The following CELF2 variants were observed in gnomAD, a reference collection of about 807,000 sequenced individuals.
CELF2 encodes the protein CUG triplet repeat RNA-binding protein 2.
Under a neutral mutation model 62.6 loss-of-function variants are expected in CELF2, and 8 were observed. That is an observed-to-expected ratio of 0.13 (90% CI 0.07 to 0.23). The LOEUF is 0.23. Among genes scored for constraint, CELF2 ranks in the 10% least tolerant of loss-of-function variants. The pLI is 1.00. For synonymous variants in CELF2, 258 were observed against 250.0 expected (o/e 1.03, Z -0.30); for missense variants, 333 against 671.0 (o/e 0.50, Z 5.56).
At chr10:10,708,116 G>A in the CELF2 span, among the ~76,000 whole-genome samples, 8 of 152,138 alleles carry the variant, frequency 5.3e-5, no homozygotes, top group African/African-American at 1.9e-4. Flanking sequence ...CATATTTGAG[G>A]CAGGGAGCAA....
At chr10:11,018,221 G>A (rs983811848) in intron 1 of CELF2, 58 bp downstream of exon 1, 4 of 1,430,998 alleles carry the variant, frequency 2.8e-6, no homozygotes, top group South Asian at 2.5e-5. Context: ...CAGAGTCGGC[G>A]GCGCGAAGGG....
At chr10:10,929,952 C>A (rs181750048) in intron 2 of CELF2, among the ~76,000 whole-genome samples, 1 of 152,304 alleles carries the variant, frequency 6.6e-6, no homozygotes, top group East Asian at 1.9e-4. Context: ...CTATAATACA[C>A]GAAAATAACA....
chr10:10,465,250 A>T, the CELF2 span, among the ~76,000 whole-genome samples: 1 of 152,158 alleles, frequency 6.6e-6, no homozygotes, highest in South Asian at 2.1e-4. Context: ...AGTATATCAG[A>T]ATCTTCAGGA....
chr10:11,024,189 A>G (rs1005619994), intron 1 of CELF2, among the ~76,000 whole-genome samples: 9 of 152,250 alleles, frequency 5.9e-5, no homozygotes, highest in African/African-American at 1.9e-4. Flanking sequence ...CATTTAAACA[A>G]TCTGTGCGTC....
the CELF2 span, among the ~76,000 whole-genome samples, chr10:10,623,044 C>T: frequency 7.4e-6 from 1 of 135,476 alleles, no homozygotes; most frequent in Non-Finnish European, 1.5e-5. Flanking sequence ...CGAGATTGCG[C>T]CACAGCACTC....
chr10:11,120,417 A>G (rs768259483), intron 1 of CELF2, among the ~76,000 whole-genome samples: 20 of 152,226 alleles, frequency 1.3e-4, no homozygotes, highest in Non-Finnish European at 1.6e-4. Context: ...TTTGCATTTC[A>G]CCTGTTTCTA....
chr10:11,229,263 CTG>C (rs1406197800), intron 3 of CELF2, among the ~76,000 whole-genome samples: 1 of 152,212 alleles, frequency 6.6e-6, no homozygotes, highest in African/African-American at 2.4e-5. Flanking sequence ...AATTTCCAGT[CTG>C]TGTGTAGCAT....
the CELF2 span, among the ~76,000 whole-genome samples, chr10:10,472,474 A>C: frequency 2.0e-5 from 3 of 151,890 alleles, no homozygotes; most frequent in Non-Finnish European, 4.4e-5. Flanking sequence ...CTGATTACAT[A>C]TTACTTTTTA....
the CELF2 span, among the ~76,000 whole-genome samples, chr10:10,673,370 T>C: frequency 2.6e-5 from 4 of 152,130 alleles, no homozygotes; most frequent in Admixed American, 1.3e-4. Context: ...CTTAGTGAGA[T>C]CTGAAGTAAT....
the CELF2 span, among the ~76,000 whole-genome samples, chr10:10,636,457 T>C: frequency 6.6e-6 from 1 of 152,252 alleles, no homozygotes; most frequent in Non-Finnish European, 1.5e-5. Flanking sequence ...GTTATGTTAA[T>C]GCTCTGTGCT....
chr10:10,732,025 C>T, the CELF2 span, among the ~76,000 whole-genome samples: 2 of 152,116 alleles, frequency 1.3e-5, no homozygotes, highest in Admixed American at 6.5e-5. Flanking sequence ...CAGATGGTTA[C>T]AAGTTCCTGA....
At chr10:10,927,353 A>AAAAAAAAAAAAC (rs1554884951) in intron 2 of CELF2, 15 of 135,586 alleles carry the variant, frequency 1.1e-4, no homozygotes, top group African/African-American at 3.6e-4. Flanking sequence ...CATTAAAAAA[A>AAAAAAAAAAAAC]AAAAAAAAAA....
chr10:10,560,988 T>C, the CELF2 span, among the ~76,000 whole-genome samples: 14 of 146,684 alleles, frequency 9.5e-5, no homozygotes, highest in African/African-American at 3.6e-4. Flanking sequence ...GGCATAAGAA[T>C]GATACAATGG....
chr10:10,743,200 T>C, the CELF2 span, among the ~76,000 whole-genome samples: 1 of 152,206 alleles, frequency 6.6e-6, no homozygotes, highest in African/African-American at 2.4e-5. Context: ...GTCCCTCTGA[T>C]TTTGGAAATC....
intron 2 of CELF2, among the ~76,000 whole-genome samples, chr10:11,183,270 C>T (rs7078907): frequency 3.0e-4 from 45 of 152,122 alleles, no homozygotes; most frequent in African/African-American, 1.2e-4. Context: ...GATTCATCCC[C>T]GTCACTCATT....
intron 2 of CELF2, among the ~76,000 whole-genome samples, chr10:11,197,035 A>AAGAAAGAAAGAAAGAAAGAAAGAAAG (rs2057941500): frequency 5.6e-5 from 2 of 35,966 alleles, no homozygotes. Context: ...AAAAGAAAGA[A>AAGAAAGAAAGAAAGAAAGAAAGAAAG]AGAAAGAAAG....
intron 1 of CELF2, among the ~76,000 whole-genome samples, chr10:10,837,827 TC>T (rs947437577): frequency 8.5e-5 from 13 of 152,142 alleles, no homozygotes; most frequent in African/African-American, 3.1e-4. Context: ...ACTTTTTTTT[TC>T]CACTTTAGTT....
At chr10:10,805,123 T>C (rs1473027347) in intron 1 of CELF2, among the ~76,000 whole-genome samples, 2 of 152,232 alleles carry the variant, frequency 1.3e-5, no homozygotes, top group South Asian at 2.1e-4. Flanking sequence ...ATTTTATCTT[T>C]GTAATAGCCC....
chr10:10,712,210 T>C, the CELF2 span, among the ~76,000 whole-genome samples: 1 of 150,046 alleles, frequency 6.7e-6, no homozygotes, highest in Non-Finnish European at 1.5e-5. Flanking sequence ...TCATGGCCTT[T>C]GAATGGCAGG....
Sources: allele counts gnomAD v4.1 joint callset (sites outside exome capture counted in the v4.1 genomes callset), GRCh38; gene constraint gnomAD v4.1.1; transcripts MANE v1.5; gene names NCBI Gene and HGNC (gene_info 2026-07-23, HGNC 2026-07-21).